Variants in SCGB1D2 observed in about 807,000 individuals in gnomAD.
SCGB1D2 encodes secretoglobin family 1D member 2, also known as lipophilin-B.
In SCGB1D2, 10 loss-of-function variants were observed where a neutral mutation model predicts 10.5. The ratio of observed to expected loss-of-function variants is 0.95; its 90% confidence interval spans 0.59 to 1.61. SCGB1D2 has a LOEUF of 1.61. Ranked by LOEUF, SCGB1D2 falls within the 40% of genes most tolerant of loss-of-function variation. The pLI, the probability that SCGB1D2 is intolerant of heterozygous loss-of-function variation, is 0.00. For synonymous variants in SCGB1D2, 42 were observed against 42.8 expected (o/e 0.98, Z 0.08); for missense variants, 113 against 103.8 (o/e 1.09, Z -0.38).
At chr11:62,244,567 A>G (rs1945093155) in intron 2 of SCGB1D2, 103 bp from the exon 3 acceptor site, 14 of 1,051,422 alleles carry the variant, frequency 1.3e-5, no homozygotes, top group Non-Finnish European at 2.8e-6. Flanking sequence ...TGCCCTTCCA[A>G]TTGCCTTTGG....
chr11:62,243,901 G>A (rs1347792825), intron 2 of SCGB1D2, among the ~76,000 whole-genome samples: 1 of 152,154 alleles, frequency 6.6e-6, no homozygotes, highest in Non-Finnish European at 1.5e-5. Context: ...AAGGCAGGGA[G>A]GGACATAGAG....
intron 1 of SCGB1D2, 81 bp from the exon 2 acceptor site, chr11:62,243,208 C>A: frequency 2.7e-6 from 3 of 1,106,572 alleles, no homozygotes; most frequent in South Asian, 1.5e-5. Flanking sequence ...CCCAGGGGAT[C>A]CTGTCTGGTC....
Position 62,242,270 on chromosome 11 carries a change from T to G in SCGB1D2, c.-38T>G. ...CTGGGGTGGAGTCCAAATCACTCAT[T>G]GTTTGTGAAAGCTGAGCTCACAGCA... On this transcript the variant is annotated 5_prime_UTR_variant, in exon 1 of 3. It adds an upstream start codon to the 5' untranslated region. Coordinates refer to ENST00000244926, the MANE Select transcript of SCGB1D2 (RefSeq NM_006551.4). 6.2e-7 allele frequency: 1 copy of G among 1,612,458 alleles called. No individual in the cohort carries two copies. The highest frequency in any genetic ancestry group is 8.5e-7 in the Non-Finnish European group (1 of 1,178,678).
intron 2 of SCGB1D2, among the ~76,000 whole-genome samples, chr11:62,244,224 G>A (rs996025248): frequency 3.9e-5 from 6 of 152,218 alleles, no homozygotes; most frequent in Non-Finnish European, 5.9e-5. Flanking sequence ...GGGACTGAGA[G>A]GTGCTCGGGC....
chr11:62,244,576 G>A (rs1590665279), intron 2 of SCGB1D2, 94 bp from the exon 3 acceptor site: 1 of 1,148,580 alleles, frequency 8.7e-7, no homozygotes, highest in East Asian at 2.4e-5. Flanking sequence ...AATTGCCTTT[G>A]GGGGCAGAAT....
chr11:62,242,587 C>T (rs1945072164), intron 1 of SCGB1D2, among the ~76,000 whole-genome samples: 1 of 152,190 alleles, frequency 6.6e-6, no homozygotes, highest in Non-Finnish European at 1.5e-5. Context: ...ATTAGGAATT[C>T]TTCTGCCTGA....
chr11:62,243,536 G>C, intron 2 of SCGB1D2, 60 bp downstream of exon 2: 426 of 1,381,300 alleles, frequency 3.1e-4, no homozygotes, highest in Non-Finnish European at 3.9e-4. Flanking sequence ...ATGAAGTGAG[G>C]TCAGCTTGCT....
intron 2 of SCGB1D2, 32 bp from the exon 3 acceptor site, chr11:62,244,638 A>AC: frequency 6.2e-7 from 1 of 1,607,662 alleles, no homozygotes. Flanking sequence ...AGCATGACTG[A>AC]CCCCACCTTC....
At position 62,243,335 on chromosome 11, in the gene SCGB1D2, C is replaced by A. The variant is rs189227523; in HGVS notation, c.102C>A (p.Phe34Leu). 6.2e-7 allele frequency: 1 copy of A among 1,613,896 alleles called. No individual in the cohort carries two copies. Among genetic ancestry groups the A allele is most frequent in the Admixed American group, 1.7e-5 (1 of 60,004 alleles). ...CPALVSELLD[F>L]FFISEPLFKL... ...CTCTTGTTTCTGAGCTGTTAGACTT[C>A]TTCTTCATTAGTGAACCTCTGTTCA... The change falls in exon 2 of 3, where the codon TTC becomes TTA. Residue 34 changes from phenylalanine (F) to leucine (L), a missense_variant. Coordinates refer to ENST00000244926, the MANE Select transcript of SCGB1D2 (RefSeq NM_006551.4).
At position 62,243,323 on chromosome 11, in the gene SCGB1D2, G is replaced by A; in HGVS notation, c.90G>A (p.Glu30=). ...AGTTCTGCCCAGCTCTTGTTTCTGAGCTGTTAGACTTCTTCTTCATTAGTG... is the reference window on the plus strand; with the variant it reads ...AGTTCTGCCCAGCTCTTGTTTCTGAACTGTTAGACTTCTTCTTCATTAGTG... The part of the protein sequence containing the change: ...NAEFCPALVS[E]LLDFFFISEP... The change falls in exon 2 of 3, where the codon GAG becomes GAA. Residue 30 remains glutamate (E), a synonymous_variant. Coordinates refer to ENST00000244926, the MANE Select transcript of SCGB1D2 (RefSeq NM_006551.4). 6.2e-7 allele frequency: 1 copy of A among 1,614,014 alleles called. No individual in the cohort carries two copies. Among genetic ancestry groups the A allele is most frequent in the Non-Finnish European group, 8.5e-7 (1 of 1,179,920 alleles).
intron 1 of SCGB1D2, 81 bp downstream of exon 1, chr11:62,242,443 G>T (rs1426682120): frequency 1.4e-6 from 2 of 1,465,006 alleles, no homozygotes; most frequent in African/African-American, 1.4e-5. Flanking sequence ...TTCAGGCTGG[G>T]GTTAGGATCT....
chr11:62,243,866 C>A (rs778877008), intron 2 of SCGB1D2, among the ~76,000 whole-genome samples: 1 of 152,140 alleles, frequency 6.6e-6, no homozygotes, highest in South Asian at 2.1e-4. Flanking sequence ...TCCTGGGGAG[C>A]ATGGGAGCCT....
At chr11:62,243,146 C>A (rs1340142702) in intron 1 of SCGB1D2, 143 bp from the exon 2 acceptor site, 9 of 607,512 alleles carry the variant, frequency 1.5e-5, no homozygotes, top group Non-Finnish European at 2.3e-5. Flanking sequence ...GGAAGTCACA[C>A]CTGAAGGGTC....
At chr11:62,244,270 C>A (rs3927343) in intron 2 of SCGB1D2, among the ~76,000 whole-genome samples, 9,707 of 152,194 alleles carry the variant, frequency 0.064, 384 homozygotes, top group Admixed American at 0.14. Flanking sequence ...AGGCTGGAGT[C>A]TCCTGGAAGC....
At chr11:62,243,091 T>G (rs1441544645) in intron 1 of SCGB1D2, among the ~76,000 whole-genome samples, 198 bp from the exon 2 acceptor site, 2 of 151,400 alleles carry the variant, frequency 1.3e-5, no homozygotes, top group Admixed American at 1.3e-4. Flanking sequence ...AAAAAAAGAG[T>G]TTGGCTGTTG....
intron 2 of SCGB1D2, 26 bp from the exon 3 acceptor site, chr11:62,244,644 C>T (rs1945094008): frequency 1.2e-6 from 2 of 1,610,392 alleles, no homozygotes; most frequent in African/African-American, 2.7e-5. Context: ...ACTGACCCCA[C>T]CTTCTTTTTT....
At chr11:62,243,174 C>T in intron 1 of SCGB1D2, 115 bp from the exon 2 acceptor site, 1 of 780,400 alleles carries the variant, frequency 1.3e-6, no homozygotes. Context: ...GTCATCAGCA[C>T]AACAAATGTA....
chr11:62,243,184 A>G (rs953718244), intron 1 of SCGB1D2, 105 bp from the exon 2 acceptor site: 2 of 831,752 alleles, frequency 2.4e-6, no homozygotes, highest in African/African-American at 3.4e-5. Context: ...CAACAAATGT[A>G]TGTGAACATA....
intron 2 of SCGB1D2, 48 bp from the exon 3 acceptor site, chr11:62,244,622 A>T: frequency 6.4e-7 from 1 of 1,574,030 alleles, no homozygotes; most frequent in East Asian, 2.2e-5. Context: ...TGTCACCTCC[A>T]GCAGCAGCAT....
Sources: gnomAD v4.1 joint callset for allele counts (sites outside exome capture counted in the v4.1 genomes callset) on GRCh38, gnomAD v4.1.1 for gene constraint, MANE v1.5 for transcripts, NCBI Gene and HGNC (gene_info 2026-07-23, HGNC 2026-07-21) for gene names.